PAX3: variants seen among roughly 807,000 people sequenced by gnomAD.
PAX3 encodes paired box protein Pax-3.
A neutral mutation model predicts 51.6 loss-of-function variants in PAX3; 14 were observed. The ratio of observed to expected loss-of-function variants is 0.27; its 90% CI spans 0.18 to 0.42. PAX3 has a LOEUF of 0.42. Ranked by LOEUF, PAX3 falls within the 10% of genes least tolerant of loss-of-function variation. The probability of loss-of-function intolerance (pLI) is 1.00; values close to 1 mark genes in which losing one functional copy is unlikely to be tolerated. For synonymous variants in PAX3, 280 were observed against 253.4 expected (o/e 1.11, Z -1.00); for missense variants, 540 against 642.8 (o/e 0.84, Z 1.73).
rs71407982 is a variant in PAX3, at chr2:222,216,705, AACACACAC to A, written c.1173+3427_1173+3434del. Among the ~76,000 whole-genome samples, 1,493 of 149,976 alleles carry A rather than the reference AACACACAC, an allele frequency of 1.0e-2. 25 individuals are homozygous for A. Among genetic ancestry groups the A allele is most frequent in the African/African-American group, 0.034 (1,381 of 40,310 alleles). The stretch of plus-strand genomic sequence containing the variant: ...AAACCAACTATTGTACACATACACA[AACACACAC>A]ACACACACACACAGAGAGAGAGAGA... On this transcript the variant is annotated intron_variant, in intron 7 of 8. Transcript: ENST00000392070.
At chr2:222,235,141 C>T (rs1394146451) in intron 4 of PAX3, among the ~76,000 whole-genome samples, 2 of 152,158 alleles carry the variant, frequency 1.3e-5, no homozygotes, top group Admixed American at 1.3e-4. Context: ...TCAAAATCGT[C>T]TCTGGTTTCT....
At chr2:222,201,850 G>A (rs1691304774) in intron 8 of PAX3, 94 bp downstream of exon 8, 1 of 1,611,460 alleles carries the variant, frequency 6.2e-7, no homozygotes, top group African/African-American at 1.3e-5. Flanking sequence ...CGGCATGTGT[G>A]GCTTAATCTT....
intron 4 of PAX3, among the ~76,000 whole-genome samples, chr2:222,257,952 C>T (rs1189364301): frequency 6.6e-6 from 1 of 152,142 alleles, no homozygotes; most frequent in Non-Finnish European, 1.5e-5. Flanking sequence ...GACGGCAAAC[C>T]CTTCTGGGGA....
chr2:222,248,708 T>C (rs1235758234), intron 4 of PAX3, among the ~76,000 whole-genome samples: 3 of 152,194 alleles, frequency 2.0e-5, no homozygotes, highest in Non-Finnish European at 4.4e-5. Context: ...ATCTAAAAAA[T>C]GCAAACATTG....
At position 222,200,407 on chromosome 2, in the gene PAX3, A is replaced by G. The variant is rs1181049430; in HGVS notation, c.*1001T>C. The G allele has an allele frequency of 4.4e-6, 1 of 229,182 alleles. No homozygotes were observed. Among genetic ancestry groups the G allele is most frequent in the African/African-American group, 2.2e-5 (1 of 45,126 alleles). 14.2% of individuals were successfully genotyped at this position (229,182 alleles called of 1,614,324 possible). A position where few individuals can be genotyped will look rare whatever the true frequency, so the allele number is the denominator to read the frequency against. On this transcript the variant is annotated 3_prime_UTR_variant, in exon 9 of 9. Coordinates refer to ENST00000392070, the MANE Select transcript of PAX3 (RefSeq NM_181458.4). Reference sequence around the variant, plus strand: ...TAATTATCTGATCTGGTCTCTAATCAAAGGAGCAACCCGGGTGTTGGTTGT... The same window carrying G: ...TAATTATCTGATCTGGTCTCTAATCGAAGGAGCAACCCGGGTGTTGGTTGT...
In PAX3 at chr2:222,224,086, A is replaced by G. The variant is rs374877741; in HGVS notation, c.793-2699T>C. Among the ~76,000 whole-genome samples the G allele has an allele frequency of 2.6e-5, 4 of 152,246 alleles. No individual in the cohort carries two copies. In the East Asian group the frequency reaches 7.7e-4, roughly 29 times the overall value. The stretch of plus-strand genomic sequence containing the variant: ...GACAGAATCCAAACAGAGTAAGAGT[A>G]TAAGGGTTTGGGGGTTTGTTTTCAT... On this transcript the variant is annotated intron_variant, in intron 5 of 8. Transcript: ENST00000392070.
chr2:222,258,606 T>C (rs1357863891), intron 4 of PAX3, among the ~76,000 whole-genome samples: 7 of 152,178 alleles, frequency 4.6e-5, no homozygotes, highest in Non-Finnish European at 1.0e-4. Context: ...GCCTTGTTCC[T>C]TTTAAGAACA....
At chr2:222,208,361 A>G (rs1691593998) in intron 7 of PAX3, among the ~76,000 whole-genome samples, 1 of 152,064 alleles carries the variant, frequency 6.6e-6, no homozygotes, top group Admixed American at 6.6e-5. Flanking sequence ...GTTGGCCCTT[A>G]GCATATTAAG....
chr2:222,291,969 GGTGTGTGTGTGTGTGTGTGTGTGTGT>G (rs3997675), intron 4 of PAX3, among the ~76,000 whole-genome samples: 1 of 133,642 alleles, frequency 7.5e-6, no homozygotes, highest in Non-Finnish European at 1.6e-5. Flanking sequence ...CAGCCTCCAA[GGTGTGTGTGTGTGTGTGTGTGTGTGT>G]GTGTGTGTGT....
intron 4 of PAX3, among the ~76,000 whole-genome samples, chr2:222,286,485 A>C (rs1694838310): frequency 6.6e-6 from 1 of 152,230 alleles, no homozygotes; most frequent in African/African-American, 2.4e-5. Flanking sequence ...TTTATCAATC[A>C]CCTCAGTAAG....
At chr2:222,209,157 C>T (rs1691622500) in intron 7 of PAX3, among the ~76,000 whole-genome samples, 1 of 152,162 alleles carries the variant, frequency 6.6e-6, no homozygotes, top group Admixed American at 6.6e-5. Context: ...GTAGGGAAGA[C>T]ATTCTGATCT....
At chr2:222,236,485 T>C (rs1692802268) in intron 4 of PAX3, among the ~76,000 whole-genome samples, 1 of 152,192 alleles carries the variant, frequency 6.6e-6, no homozygotes, top group African/African-American at 2.4e-5. Context: ...CTATTTTACA[T>C]ACTCAGTTTT....
chr2:222,287,728 T>C (rs1694881356), intron 4 of PAX3, among the ~76,000 whole-genome samples: 1 of 152,236 alleles, frequency 6.6e-6, no homozygotes, highest in Admixed American at 6.5e-5. Flanking sequence ...GTAAATATTT[T>C]ACATCAGAGA....
intron 2 of PAX3, among the ~76,000 whole-genome samples, 171 bp downstream of exon 2, chr2:222,296,807 C>A (rs147654852): frequency 1.3e-5 from 2 of 152,368 alleles, no homozygotes; most frequent in African/African-American, 4.8e-5. Context: ...CAAGAAGTGT[C>A]CAGGGCGCGT....
chr2:222,202,280 TTTTA>T, intron 7 of PAX3, 90 bp from the exon 8 acceptor site: 1 of 1,028,162 alleles, frequency 9.7e-7, no homozygotes. Context: ...ACAGTCCAGT[TTTTA>T]TTTCTTTGGA....
Position 222,294,310 on chromosome 2 carries a change from G to A in PAX3, c.452-9C>T, listed in dbSNP as rs1379006499. 1.9e-6 allele frequency: 3 copies of A among 1,614,004 alleles called. No individual in the cohort carries two copies. Among genetic ancestry groups the A allele is most frequent in the Admixed American group, 1.7e-5 (1 of 60,010 alleles). The stretch of plus-strand genomic sequence containing the variant: ...GCGGCTGATGGAACTCACTGGGGGC[G>A]GGAGGAGGAAGGAAGCAAGGGAGCG... On this transcript the variant is annotated splice_polypyrimidine_tract_variant and intron_variant, in intron 3 of 8. Coordinates refer to ENST00000392070, the MANE Select transcript of PAX3 (RefSeq NM_181458.4).
chr2:222,278,222 C>T (rs1056640074), intron 4 of PAX3, among the ~76,000 whole-genome samples: 3 of 152,156 alleles, frequency 2.0e-5, no homozygotes, highest in Admixed American at 2.0e-4. Flanking sequence ...TCTCAAGAGT[C>T]TGAAGACTGA....
intron 4 of PAX3, among the ~76,000 whole-genome samples, chr2:222,284,170 TCACG>T (rs1243922267): frequency 6.6e-6 from 1 of 152,026 alleles, no homozygotes; most frequent in Non-Finnish European, 1.5e-5. Context: ...GCACACAACC[TCACG>T]TGCAGAGCTA....
chr2:222,241,141 G>T lies in PAX3; in HGVS notation c.587-8858C>A, dbSNP rs1318163830. 2.0e-5 allele frequency among the ~76,000 whole-genome samples: 3 copies of T among 152,154 alleles called. No homozygotes were observed. In the East Asian group the frequency reaches 5.8e-4, roughly 29 times the overall value. On this transcript the variant is annotated intron_variant, in intron 4 of 8. Coordinates refer to ENST00000392070, the MANE Select transcript of PAX3 (RefSeq NM_181458.4). ...CAGTAAGCTAAATTCTAGTTTACTG[G>T]GATTGGATTGCAAGGGGCGCAGAAA...
Sources: gnomAD v4.1 joint callset for allele counts (sites outside exome capture counted in the v4.1 genomes callset) on GRCh38, gnomAD v4.1.1 for gene constraint, MANE v1.5 for transcripts, NCBI Gene and HGNC (gene_info 2026-07-23, HGNC 2026-07-21) for gene names.